TRPM3: variants seen among roughly 807,000 people sequenced by gnomAD.
TRPM3 encodes the protein transient receptor potential cation channel subfamily M member 3, also known as long transient receptor potential channel 3.
A neutral mutation model predicts 181.2 loss-of-function variants in TRPM3; 77 were observed. The ratio of observed to expected loss-of-function variants is 0.42; its 90% CI spans 0.35 to 0.51. The LOEUF (loss-of-function observed/expected upper bound fraction) is 0.51, where lower values mean the gene tolerates loss of function less well. Ranked by LOEUF, TRPM3 falls within the 20% of genes least tolerant of loss-of-function variation. The pLI, the probability that TRPM3 is intolerant of heterozygous loss-of-function variation, is 0.01. For synonymous variants in TRPM3, 745 were observed against 796.4 expected, an observed-to-expected ratio of 0.94 and a Z score of 1.09; for missense variants, 1,759 against 2,196.7, an observed-to-expected ratio of 0.80 and a Z score of 3.98.
chr9:70,762,453 A>C (rs1343623232), intron 7 of TRPM3, among the ~76,000 whole-genome samples: 1 of 152,144 alleles, frequency 6.6e-6, no homozygotes, highest in Non-Finnish European at 1.5e-5. Flanking sequence ...CTAATTTTTA[A>C]CTTCTTTCTC....
At chr9:71,034,867 A>G (rs2058002596) in intron 1 of TRPM3, among the ~76,000 whole-genome samples, 1 of 152,022 alleles carries the variant, frequency 6.6e-6, no homozygotes, top group South Asian at 2.1e-4. Context: ...ATATGTATAT[A>G]TGTATACATT....
At position 70,537,278 on chromosome 9, in the gene TRPM3, G is replaced by A; in HGVS notation, c.3835C>T (p.Leu1279=). Residue 1279 remains leucine (L), a synonymous_variant, in exon 26 of 26, where the codon CTG becomes TTG. Transcript: ENST00000677713. ...CGCTCCAGACCTGTCAGGCGCTCCA[G>A]GGCCGTGGCCATGCGCCCGATAAGG... ...EDLIGRMATA[L]ERLTGLERAE... 2 of 1,574,844 alleles carry A rather than the reference G, an allele frequency of 1.3e-6. No individual in the cohort carries two copies. The highest frequency in any genetic ancestry group is 1.7e-6 in the Non-Finnish European group (2 of 1,156,276).
At chr9:70,607,344 T>G (rs1251368989) in intron 19 of TRPM3, among the ~76,000 whole-genome samples, 1 of 152,152 alleles carries the variant, frequency 6.6e-6, no homozygotes, top group Non-Finnish European at 1.5e-5. Flanking sequence ...GTTAAGCATG[T>G]CTGGTGATTC....
At chr9:71,163,327 G>A (rs1204486226) in intron 1 of TRPM3, among the ~76,000 whole-genome samples, 1 of 151,672 alleles carries the variant, frequency 6.6e-6, no homozygotes, top group African/African-American at 2.4e-5. Context: ...GGGGAAACAA[G>A]ATATAGGTAG....
intron 1 of TRPM3, among the ~76,000 whole-genome samples, chr9:71,242,718 T>C (rs1398444799): frequency 6.6e-6 from 1 of 152,188 alleles, no homozygotes; most frequent in Non-Finnish European, 1.5e-5. Context: ...TTTTCCCTAA[T>C]CTTCCTACTT....
intron 7 of TRPM3, among the ~76,000 whole-genome samples, chr9:70,783,028 G>A (rs2082797655): frequency 6.6e-6 from 1 of 152,132 alleles, no homozygotes; most frequent in Non-Finnish European, 1.5e-5. Flanking sequence ...GGGTACAAGA[G>A]GGATGGGTAC....
intron 1 of TRPM3, among the ~76,000 whole-genome samples, chr9:71,114,168 A>G (rs536140757): frequency 6.6e-6 from 1 of 152,290 alleles, no homozygotes; most frequent in African/African-American, 2.4e-5. Context: ...TTAAACCTTG[A>G]AGAATCTTTA....
At chr9:70,872,290 A>T (rs1009235577) in intron 1 of TRPM3, among the ~76,000 whole-genome samples, 7 of 151,894 alleles carry the variant, frequency 4.6e-5, no homozygotes. Context: ...TTGGTATAGA[A>T]AAAAGGGGTG....
At chr9:71,432,941 C>T (rs2093979899) in intron 1 of TRPM3, among the ~76,000 whole-genome samples, 1 of 151,700 alleles carries the variant, frequency 6.6e-6, no homozygotes, top group Non-Finnish European at 1.5e-5. Flanking sequence ...TTACCTTAAA[C>T]TTAATTATAC....
At chr9:71,252,180 A>C (rs1159025862) in intron 1 of TRPM3, among the ~76,000 whole-genome samples, 1 of 152,168 alleles carries the variant, frequency 6.6e-6, no homozygotes, top group African/African-American at 2.4e-5. Context: ...TAATTTCCCC[A>C]AAGGAAAATT....
intron 1 of TRPM3, among the ~76,000 whole-genome samples, chr9:71,057,925 T>C (rs2060854862): frequency 6.6e-6 from 1 of 152,106 alleles, no homozygotes; most frequent in Non-Finnish European, 1.5e-5. Context: ...TGCATTCAAA[T>C]GAATAAAATC....
chr9:70,539,240 C>T (rs933476759), intron 25 of TRPM3, among the ~76,000 whole-genome samples: 5 of 152,136 alleles, frequency 3.3e-5, no homozygotes, highest in Non-Finnish European at 1.5e-5. Context: ...AGCACATACA[C>T]TTCAATGCCA....
At chr9:71,164,884 T>A (rs201247605) in intron 1 of TRPM3, among the ~76,000 whole-genome samples, 3 of 152,184 alleles carry the variant, frequency 2.0e-5, no homozygotes. Flanking sequence ...TCATAAGTAA[T>A]CTTTTTGATT....
chr9:70,742,143 ATGT>A (rs889271573), intron 8 of TRPM3, among the ~76,000 whole-genome samples: 128 of 152,280 alleles, frequency 8.4e-4, no homozygotes, highest in African/African-American at 2.8e-3. Flanking sequence ...ATAATTATGT[ATGT>A]TATTAAGTGA....
rs570851178 is a variant in TRPM3, at chr9:71,098,499, A to C, written c.177+22679T>G. 1.2e-4 allele frequency among the ~76,000 whole-genome samples: 19 copies of C among 152,268 alleles called. 1 individual carries two copies. The highest frequency in any genetic ancestry group is 1.0e-3 in the South Asian group (5 of 4,824). ...GCTGAGTCGCAATTTATACAATGCTAGTAAGTAGTGAGTATATGCAGTGGT... is the reference window on the plus strand; with the variant it reads ...GCTGAGTCGCAATTTATACAATGCTCGTAAGTAGTGAGTATATGCAGTGGT... On this transcript the variant is annotated intron_variant, in intron 1 of 25. Transcript: ENST00000677713.
chr9:71,191,804 A>AAAAAAACC (rs10676674), intron 1 of TRPM3, among the ~76,000 whole-genome samples: 3 of 149,372 alleles, frequency 2.0e-5, no homozygotes, highest in Non-Finnish European at 3.0e-5. Flanking sequence ...AAAAAAAAAA[A>AAAAAAACC]ATCACATCGT....
intron 1 of TRPM3, among the ~76,000 whole-genome samples, chr9:71,128,430 T>C (rs1475286488): frequency 2.0e-5 from 3 of 152,210 alleles, no homozygotes; most frequent in Non-Finnish European, 2.9e-5. Flanking sequence ...GATGGGGTTT[T>C]AGTATAATTC....
intron 1 of TRPM3, among the ~76,000 whole-genome samples, chr9:71,039,828 C>A (rs2058626606): frequency 6.6e-6 from 1 of 152,080 alleles, no homozygotes; most frequent in African/African-American, 2.4e-5. Flanking sequence ...CATTATGTAT[C>A]ATTGTATGCT....
At chr9:70,583,701 G>GT (rs2056506758) in intron 22 of TRPM3, among the ~76,000 whole-genome samples, 1 of 152,124 alleles carries the variant, frequency 6.6e-6, no homozygotes, top group African/African-American at 2.4e-5. Flanking sequence ...CATTTGGGGA[G>GT]GTTCCTCTTC....
Sources: allele counts gnomAD v4.1 joint callset (sites outside exome capture counted in the v4.1 genomes callset), GRCh38; gene constraint gnomAD v4.1.1; transcripts MANE v1.5; gene names NCBI Gene and HGNC (gene_info 2026-07-23, HGNC 2026-07-21).